Variants in MAN2A1 observed in about 807,000 individuals in gnomAD.
MAN2A1 encodes mannosidase alpha class 2A member 1.
Under a neutral mutation model 142.6 loss-of-function variants are expected in MAN2A1, and 76 were observed. The ratio of observed to expected loss-of-function variants is 0.53; its 90% CI spans 0.44 to 0.65. MAN2A1 has a LOEUF of 0.65. Among genes scored for constraint, MAN2A1 ranks in the 30% least tolerant of loss-of-function variants. The pLI, the probability that MAN2A1 is intolerant of heterozygous loss-of-function variation, is 0.00. For synonymous variants in MAN2A1, 559 were observed against 473.2 expected (o/e 1.18, Z -2.35); for missense variants, 1,311 against 1,365.1 (o/e 0.96, Z 0.62).
chr5:109,766,465 G>A (rs1156376369), intron 5 of MAN2A1, among the ~76,000 whole-genome samples: 3 of 152,102 alleles, frequency 2.0e-5, no homozygotes, highest in Non-Finnish European at 2.9e-5. Flanking sequence ...TTGGTCCCCT[G>A]TAGATCCTGA....
At chr5:109,748,258 A>G (rs1752457059) in intron 4 of MAN2A1, among the ~76,000 whole-genome samples, 1 of 152,182 alleles carries the variant, frequency 6.6e-6, no homozygotes, top group African/African-American at 2.4e-5. Context: ...AGTATGTTAT[A>G]CAACTTTTTG....
chr5:109,785,452 A>G (rs1231737129), intron 10 of MAN2A1, among the ~76,000 whole-genome samples: 4 of 151,992 alleles, frequency 2.6e-5, no homozygotes, highest in Admixed American at 6.6e-5. Flanking sequence ...GATATAAGCC[A>G]TTGGGAATGA....
At chr5:109,828,398 G>C (rs1211023698) in intron 16 of MAN2A1, among the ~76,000 whole-genome samples, 1 of 152,162 alleles carries the variant, frequency 6.6e-6, no homozygotes, top group Non-Finnish European at 1.5e-5. Flanking sequence ...ACAAACAGAA[G>C]CTCCTGTATC....
At position 109,779,549 on chromosome 5, in the gene MAN2A1, ACACACACACACGCGTG is replaced by A. The variant is rs1753389950; in HGVS notation, c.1375-1835_1375-1820del. ...TTCGTGACTCATTTCTTTTATGGTT[ACACACACACACGCGTG>A]CACACACACACACACACAAACACAC... On this transcript the variant is annotated intron_variant, in intron 8 of 21. Transcript: ENST00000261483. 2.5e-5 allele frequency among the ~76,000 whole-genome samples: 3 copies of A among 118,340 alleles called. No individual in the cohort carries two copies. In the South Asian group the frequency reaches 8.2e-4, roughly 32 times the overall value. The allele number at this position is 118,340 out of a possible 152,430, so 77.6% of individuals were successfully genotyped here.
intron 21 of MAN2A1, 187 bp downstream of exon 21, chr5:109,865,333 T>G (rs1242747212): frequency 1.7e-6 from 1 of 575,648 alleles, no homozygotes; most frequent in East Asian, 2.9e-5. Flanking sequence ...CCTTTCCTTG[T>G]TGACATCAAA....
chr5:109,789,488 T>C lies in MAN2A1; in HGVS notation c.1904T>C (p.Leu635Pro). ...TTGAAACAAAAATCACAAGATTCTC[T>C]GCCACAAAAAAATATAATAAGGCTG... ...MDLKQKSQDS[L>P]PQKNIIRLSA... The change falls in exon 12 of 22, where the codon CTG becomes CCG. Residue 635 changes from leucine to proline, a missense_variant. Physicochemically the swap from Leu to Pro is moderately conservative, Grantham distance 98 (BLOSUM62 -3). Transcript: ENST00000261483. 1 of 1,589,816 alleles carries C rather than the reference T, an allele frequency of 6.3e-7. No homozygotes were observed. Among genetic ancestry groups the C allele is most frequent in the Non-Finnish European group, 8.6e-7 (1 of 1,166,436 alleles).
intron 18 of MAN2A1, 84 bp downstream of exon 18, chr5:109,846,090 T>C: frequency 5.7e-6 from 7 of 1,237,482 alleles, no homozygotes; most frequent in Non-Finnish European, 7.5e-6. Flanking sequence ...TGTGGTATAA[T>C]CTCTAGTTAA....
chr5:109,755,316 A>AT lies in MAN2A1; in HGVS notation c.708-9dup, dbSNP rs755224768. On this transcript the variant is annotated splice_polypyrimidine_tract_variant and intron_variant, in intron 4 of 21. Coordinates refer to ENST00000261483, the MANE Select transcript of MAN2A1 (RefSeq NM_002372.4). ...ACATTTATTAATGTAGACTCTTGTTATTTTCTCTCTAGTTTAATAGAAAAT... is the reference window on the plus strand; with the variant it reads ...ACATTTATTAATGTAGACTCTTGTTATTTTTCTCTCTAGTTTAATAGAAAAT... 1 of 1,602,310 alleles carries AT rather than the reference A, an allele frequency of 6.2e-7. No individual in the cohort carries two copies.
At chr5:109,852,790 T>C (rs1755517073) in intron 19 of MAN2A1, among the ~76,000 whole-genome samples, 1 of 152,232 alleles carries the variant, frequency 6.6e-6, no homozygotes, top group Non-Finnish European at 1.5e-5. Flanking sequence ...TTTAAAACTT[T>C]GGGTTTATCA....
At chr5:109,764,709 C>T (rs984159271) in intron 5 of MAN2A1, among the ~76,000 whole-genome samples, 5 of 152,146 alleles carry the variant, frequency 3.3e-5, no homozygotes, top group Non-Finnish European at 5.9e-5. Flanking sequence ...AAAAGATTAC[C>T]AGTGATGTTA....
intron 8 of MAN2A1, among the ~76,000 whole-genome samples, chr5:109,780,129 C>G (rs1049353848): frequency 1.3e-5 from 2 of 152,106 alleles, no homozygotes; most frequent in African/African-American, 4.8e-5. Context: ...GTGATCTCTG[C>G]TCACTGCAAG....
Position 109,865,303 on chromosome 5 carries a change from C to T in MAN2A1, c.3282+157C>T, listed in dbSNP as rs974646158. The T allele has an allele frequency of 1.5e-5, 9 of 609,924 alleles. No homozygotes were observed. The South Asian group carries it at 1.9e-4, about 13-fold the overall frequency. 37.8% of individuals were successfully genotyped at this position (609,924 alleles called of 1,614,324 possible). A position where few individuals can be genotyped will look rare whatever the true frequency, so the allele number is the denominator to read the frequency against. Reference sequence around the variant, plus strand: ...TGAATCTCCCCATCTGAAAAATGCACTTTCTCAAAACTTCAGCCTCCTTTC... The same window carrying T: ...TGAATCTCCCCATCTGAAAAATGCATTTTCTCAAAACTTCAGCCTCCTTTC... On this transcript the variant is annotated intron_variant, in intron 21 of 21. Coordinates refer to ENST00000261483, the MANE Select transcript of MAN2A1 (RefSeq NM_002372.4).
intron 1 of MAN2A1, among the ~76,000 whole-genome samples, chr5:109,695,584 C>G (rs1238310941): frequency 1.3e-5 from 2 of 152,156 alleles, no homozygotes. Flanking sequence ...TGTTCTCCAA[C>G]TTCTGTAATC....
chr5:109,832,720 A>AG (rs1754947533), intron 16 of MAN2A1, among the ~76,000 whole-genome samples: 3 of 152,002 alleles, frequency 2.0e-5, no homozygotes, highest in Non-Finnish European at 2.9e-5. Flanking sequence ...GGCCGGGCAG[A>AG]GGGGCCCCCC....
chr5:109,778,634 C>A (rs112826924), intron 8 of MAN2A1, among the ~76,000 whole-genome samples: 1,875 of 152,138 alleles, frequency 0.012, 23 homozygotes, highest in Middle Eastern at 0.02. Flanking sequence ...TGAACCAGTA[C>A]CCCAAGATGA....
At chr5:109,841,252 A>G (rs1458132042) in intron 16 of MAN2A1, among the ~76,000 whole-genome samples, 1 of 152,212 alleles carries the variant, frequency 6.6e-6, no homozygotes, top group Non-Finnish European at 1.5e-5. Context: ...TCACCTGAGC[A>G]GTATACACTG....
chr5:109,775,367 A>G (rs563198210), intron 8 of MAN2A1, among the ~76,000 whole-genome samples: 1 of 152,280 alleles, frequency 6.6e-6, no homozygotes, highest in African/African-American at 2.4e-5. Flanking sequence ...GCAGATGCAG[A>G]TGAACATGTC....
At chr5:109,700,887 G>A (rs1051618053) in intron 1 of MAN2A1, among the ~76,000 whole-genome samples, 1 of 152,180 alleles carries the variant, frequency 6.6e-6, no homozygotes, top group African/African-American at 2.4e-5. Flanking sequence ...TATGGAAATT[G>A]TGGTAGACAT....
chr5:109,793,636 A>G (rs1042709179), intron 12 of MAN2A1, among the ~76,000 whole-genome samples: 1 of 152,148 alleles, frequency 6.6e-6, no homozygotes, highest in Non-Finnish European at 1.5e-5. Flanking sequence ...CCATAATTCA[A>G]TAAAGCTTGG....
Sources: gnomAD v4.1 joint callset for allele counts (sites outside exome capture counted in the v4.1 genomes callset) on GRCh38, gnomAD v4.1.1 for gene constraint, MANE v1.5 for transcripts, NCBI Gene and HGNC (gene_info 2026-07-23, HGNC 2026-07-21) for gene names.